Variants in AP4E1 observed in about 807,000 individuals in gnomAD.
AP4E1 encodes the protein AP-4 complex subunit epsilon-1.
A neutral mutation model predicts 128.2 loss-of-function variants in AP4E1; 56 were observed. That is an observed-to-expected ratio of 0.44 (90% confidence interval 0.35 to 0.55). The LOEUF is 0.55. AP4E1 is among the 20% of genes least tolerant of loss of function. AP4E1 has a pLI of 0.00. For missense variants in AP4E1, 1,324 were observed against 1,307.7 expected (o/e 1.01, Z -0.19); for synonymous variants, 484 against 473.1 (o/e 1.02, Z -0.30).
chr15:50,940,084 A>G (rs2063962626), intron 8 of AP4E1, among the ~76,000 whole-genome samples: 1 of 152,206 alleles, frequency 6.6e-6, no homozygotes, highest in South Asian at 2.1e-4. Context: ...ATTTAGTGGC[A>G]GTTTCTCCAT....
At chr15:50,954,294 T>G (rs1219547207) in intron 13 of AP4E1, among the ~76,000 whole-genome samples, 1 of 152,230 alleles carries the variant, frequency 6.6e-6, no homozygotes, top group Non-Finnish European at 1.5e-5. Context: ...CCTCCTATTT[T>G]CTGGAAGAGT....
rs772474542 is a variant in AP4E1 at position 50,958,589 on chromosome 15, A to G, written c.1646A>G (p.Glu549Gly). 8.1e-6 allele frequency: 13 copies of G among 1,614,060 alleles called. No homozygotes were observed. In the East Asian group the frequency reaches 2.7e-4, roughly 33 times the overall value. ...CTTATGAATGACTCTGTGTCTTCAGAAACAAAAGCCTGGTTAATTGCTGCT... is the reference window on the plus strand; with the variant it reads ...CTTATGAATGACTCTGTGTCTTCAGGAACAAAAGCCTGGTTAATTGCTGCT... ...KLLMNDSVSS[E>G]TKAWLIAAVT... is the part of the protein sequence containing the mutation. Residue 549 changes from glutamate to glycine, a missense_variant, in exon 14 of 21, where the codon GAA becomes GGA. By Grantham distance (98) the Glu-to-Gly change is moderately conservative. Coordinates refer to ENST00000261842, the MANE Select transcript of AP4E1 (RefSeq NM_007347.5).
chr15:50,950,132 T>G lies in AP4E1; in HGVS notation c.1511T>G (p.Val504Gly). The change falls in exon 13 of 21, where the codon GTG becomes GGG. Residue 504 changes from valine (V) to glycine (G), a missense_variant. Coordinates refer to ENST00000261842, the MANE Select transcript of AP4E1 (RefSeq NM_007347.5). ...SYLTLLDMEN[V>G]FYPQRFLQVM... The stretch of plus-strand genomic sequence containing the variant: ...CTCACTTTACTGGATATGGAAAATG[T>G]GTTCTATCCACAGAGATTTCTTCAA... 4 of 1,613,026 alleles carry G rather than the reference T, an allele frequency of 2.5e-6. No homozygotes were observed. Among genetic ancestry groups the G allele is most frequent in the Non-Finnish European group, 2.5e-6 (3 of 1,179,358 alleles).
chr15:50,995,282 A>G (rs978707698), intron 17 of AP4E1, among the ~76,000 whole-genome samples: 1 of 151,680 alleles, frequency 6.6e-6, no homozygotes, highest in Non-Finnish European at 1.5e-5. Context: ...CTATTGATGT[A>G]TTTCATTTTA....
chr15:50,968,590 A>G (rs2064429057), intron 15 of AP4E1, among the ~76,000 whole-genome samples: 1 of 152,156 alleles, frequency 6.6e-6, no homozygotes, highest in South Asian at 2.1e-4. Flanking sequence ...CTCTCTATCC[A>G]CAAATACCTA....
At chr15:50,911,479 ATT>A (rs536958160) in intron 1 of AP4E1, among the ~76,000 whole-genome samples, 69,488 of 124,036 alleles carry the variant, frequency 0.56, 19,067 homozygotes, top group African/African-American at 0.65. Flanking sequence ...TCCACCTTTA[ATT>A]TTTTTTTTTT....
At chr15:50,988,969 A>G (rs1595576197) in intron 16 of AP4E1, among the ~76,000 whole-genome samples, 1 of 152,344 alleles carries the variant, frequency 6.6e-6, no homozygotes, top group Middle Eastern at 3.4e-3. Flanking sequence ...CTTTAGAAAC[A>G]TAATTAAGTG....
chr15:50,984,857 G>A (rs1368593628), intron 16 of AP4E1, among the ~76,000 whole-genome samples: 9 of 152,032 alleles, frequency 5.9e-5, no homozygotes, highest in Non-Finnish European at 1.3e-4. Flanking sequence ...GGTATTTCTA[G>A]TTCTAGATCC....
intron 13 of AP4E1, among the ~76,000 whole-genome samples, chr15:50,953,887 A>T (rs2064183362): frequency 6.6e-6 from 1 of 152,204 alleles, no homozygotes; most frequent in African/African-American, 2.4e-5. Flanking sequence ...TACAAAAGTG[A>T]TGGTCGCAGT....
chr15:50,923,468 G>A (rs1486889827), intron 3 of AP4E1, among the ~76,000 whole-genome samples: 1 of 152,084 alleles, frequency 6.6e-6, no homozygotes, highest in Non-Finnish European at 1.5e-5. Context: ...CATCATGTGC[G>A]TTGACATTAG....
chr15:50,995,931 A>G (rs2064863391), intron 17 of AP4E1, among the ~76,000 whole-genome samples: 1 of 149,474 alleles, frequency 6.7e-6, no homozygotes. Flanking sequence ...AAAAAGGAAC[A>G]GAGAGCATCA....
At position 50,908,722 on chromosome 15, in the gene AP4E1, T is replaced by G. The variant is rs1474922901; in HGVS notation, c.-57T>G. The G allele has an allele frequency of 1.4e-6, 2 of 1,438,354 alleles. No individual in the cohort carries two copies. Among genetic ancestry groups the G allele is most frequent in the Non-Finnish European group, 1.8e-6 (2 of 1,095,054 alleles). 89.1% of individuals were successfully genotyped at this position (1,438,354 alleles called of 1,614,324 possible). ...CCGGGCCGGCAGCGGCGGCCGGGCA[T>G]GAAGCCGGGCGGCTACGGGATCGCG... On this transcript the variant is annotated 5_prime_UTR_variant, in exon 1 of 21. The change abolishes an upstream ATG in the 5' untranslated region. Transcript: ENST00000261842.
At chr15:50,999,369 T>A in intron 19 of AP4E1, 107 bp downstream of exon 19, 1 of 939,788 alleles carries the variant, frequency 1.1e-6, no homozygotes, top group Non-Finnish European at 1.6e-6. Context: ...GTATAACAGT[T>A]AAAAACTACG....
intron 15 of AP4E1, among the ~76,000 whole-genome samples, chr15:50,975,263 G>A: frequency 6.6e-6 from 1 of 152,180 alleles, no homozygotes. Flanking sequence ...AAATTAGCCA[G>A]GCGTGGTGGT....
intron 20 of AP4E1, among the ~76,000 whole-genome samples, chr15:51,001,669 A>G (rs895302330): frequency 6.6e-6 from 1 of 152,168 alleles, no homozygotes; most frequent in Non-Finnish European, 1.5e-5. Flanking sequence ...AGGTTGATCC[A>G]TGTTGTAGAA....
At chr15:50,918,920 T>C (rs2141136462) in intron 3 of AP4E1, among the ~76,000 whole-genome samples, 1 of 152,302 alleles carries the variant, frequency 6.6e-6, no homozygotes, top group East Asian at 1.9e-4. Context: ...TTTTTTGTTG[T>C]TGTTCTCATA....
chr15:50,916,194 C>T (rs550657008), intron 3 of AP4E1, among the ~76,000 whole-genome samples: 22 of 152,184 alleles, frequency 1.4e-4, no homozygotes, highest in African/African-American at 4.3e-4. Context: ...CCTCCCAAAG[C>T]GCTGGGATTA....
rs757386383 is a variant in AP4E1 at position 50,930,786 on chromosome 15, T to C, written c.703-19T>C. On this transcript the variant is annotated intron_variant, in intron 6 of 20. Transcript: ENST00000261842. ...TAATAAGACGTTATTAACAAAGTTT[T>C]TTTTGCGGGGGGATGTAGGAGAATT... The C allele has an allele frequency of 3.7e-6, 6 of 1,613,948 alleles. No individual in the cohort carries two copies. In the East Asian group the frequency reaches 8.9e-5, roughly 24 times the overall value.
chr15:50,944,978 A>C (rs2064038281), intron 10 of AP4E1: 1 of 765,154 alleles, frequency 1.3e-6, no homozygotes, highest in Non-Finnish European at 2.4e-6. Flanking sequence ...ATACAATACA[A>C]GCACATGAAG....
Sources: gnomAD v4.1 joint callset for allele counts (sites outside exome capture counted in the v4.1 genomes callset) on GRCh38, gnomAD v4.1.1 for gene constraint, MANE v1.5 for transcripts, NCBI Gene and HGNC (gene_info 2026-07-23, HGNC 2026-07-21) for gene names.